The following SYNPR variants were observed in gnomAD, a reference collection of about 807,000 sequenced individuals.
The protein encoded by SYNPR is synaptoporin.
In SYNPR, 23 loss-of-function variants were observed where a neutral mutation model predicts 32.9. The ratio of observed to expected loss-of-function variants is 0.70; its 90% CI spans 0.50 to 0.99. The LOEUF (loss-of-function observed/expected upper bound fraction) is 0.99. Among genes scored for constraint, SYNPR ranks in the 50% least tolerant of loss-of-function variants. The pLI, the probability that SYNPR is intolerant of heterozygous loss-of-function variation, is 0.00. For missense variants in SYNPR, 318 were observed against 349.3 expected, an observed-to-expected ratio of 0.91 and a Z score of 0.71; for synonymous variants, 146 against 135.9, an observed-to-expected ratio of 1.07 and a Z score of -0.52.
At chr3:63,320,410 T>C (rs2087098558) in intron 2 of SYNPR, among the ~76,000 whole-genome samples, 1 of 152,076 alleles carries the variant, frequency 6.6e-6, no homozygotes, top group African/African-American at 2.4e-5. Context: ...TCCTATTCCT[T>C]CTGGTAGATA....
the SYNPR span, among the ~76,000 whole-genome samples, chr3:63,218,713 G>A: frequency 1.3e-5 from 2 of 152,094 alleles, no homozygotes; most frequent in African/African-American, 4.8e-5. Flanking sequence ...TGCCTGAAAG[G>A]TGTTTTTTCA....
intron 4 of SYNPR, among the ~76,000 whole-genome samples, chr3:63,589,072 G>A (rs1010156787): frequency 5.3e-5 from 8 of 152,038 alleles, no homozygotes; most frequent in African/African-American, 1.9e-4. Flanking sequence ...AGGTAGTAAA[G>A]AAGAGTCCAA....
chr3:63,491,730 A>G (rs997533285), intron 3 of SYNPR, among the ~76,000 whole-genome samples: 2 of 151,994 alleles, frequency 1.3e-5, no homozygotes, highest in Non-Finnish European at 2.9e-5. Context: ...CATGTTGGCC[A>G]TGCTGTTCTC....
At chr3:63,236,256 C>T (rs1188818063) in intron 1 of SYNPR, among the ~76,000 whole-genome samples, 1 of 152,004 alleles carries the variant, frequency 6.6e-6, no homozygotes, top group Admixed American at 6.6e-5. Flanking sequence ...CTACCAATAT[C>T]ACACTGTTCA....
At chr3:63,493,691 C>G (rs1701300561) in intron 3 of SYNPR, among the ~76,000 whole-genome samples, 1 of 151,868 alleles carries the variant, frequency 6.6e-6, no homozygotes, top group Non-Finnish European at 1.5e-5. Flanking sequence ...TGGCGCACAC[C>G]TGTAGTCCCA....
chr3:63,232,684 G>A (rs1302077753), intron 1 of SYNPR, among the ~76,000 whole-genome samples: 1 of 152,132 alleles, frequency 6.6e-6, no homozygotes, highest in African/African-American at 2.4e-5. Flanking sequence ...CCTTGAGCTA[G>A]CTACCTCTCA....
At chr3:63,530,938 C>T (rs947339177) in intron 3 of SYNPR, among the ~76,000 whole-genome samples, 7 of 152,078 alleles carry the variant, frequency 4.6e-5, no homozygotes, top group African/African-American at 1.7e-4. Flanking sequence ...GGGGAGTTTT[C>T]ATTTGAGCTG....
intron 2 of SYNPR, among the ~76,000 whole-genome samples, chr3:63,254,307 T>C (rs2086363331): frequency 6.6e-6 from 1 of 152,168 alleles, no homozygotes; most frequent in African/African-American, 2.4e-5. Flanking sequence ...ACCCTAAAAC[T>C]TAAAGTATAA....
chr3:63,301,041 G>C (rs1035550707), intron 2 of SYNPR, among the ~76,000 whole-genome samples: 7 of 152,130 alleles, frequency 4.6e-5, no homozygotes, highest in African/African-American at 1.4e-4. Context: ...ATTTGGAAAA[G>C]AGAACTGGAT....
In SYNPR at chr3:63,298,987, T is replaced by C. The variant is rs565561124; in HGVS notation, c.84+20245T>C. Among the ~76,000 whole-genome samples the C allele has an allele frequency of 3.3e-5, 5 of 152,252 alleles. No individual in the cohort carries two copies. In the South Asian group the frequency reaches 1.0e-3, roughly 32 times the overall value. On this transcript the variant is annotated intron_variant, in intron 2 of 5. Coordinates refer to ENST00000478300, the MANE Select transcript of SYNPR (RefSeq NM_001130003.2). ...TAAGAAAGAGGTAGAGAATAAATCTTTGGGAAGGAACTCCCTCTCTGACAC... is the reference window on the plus strand; with the variant it reads ...TAAGAAAGAGGTAGAGAATAAATCTCTGGGAAGGAACTCCCTCTCTGACAC...
intron 4 of SYNPR, among the ~76,000 whole-genome samples, chr3:63,584,883 G>C (rs1159076937): frequency 2.6e-5 from 4 of 152,070 alleles, no homozygotes; most frequent in Non-Finnish European, 4.4e-5. Flanking sequence ...AGTATGTCCA[G>C]TGACAGCACT....
intron 4 of SYNPR, among the ~76,000 whole-genome samples, chr3:63,580,785 G>A (rs1437187363): frequency 1.3e-5 from 2 of 152,162 alleles, no homozygotes; most frequent in East Asian, 1.9e-4. Context: ...TGGCAAATTA[G>A]TCTCATTATA....
At chr3:63,444,618 C>T (rs2107165490) in intron 2 of SYNPR, among the ~76,000 whole-genome samples, 1 of 152,142 alleles carries the variant, frequency 6.6e-6, no homozygotes, top group African/African-American at 2.4e-5. Flanking sequence ...GGCTCGTAGG[C>T]ATAGATTTTT....
chr3:63,314,033 ATCCATATATATATAT>A (rs1300702563), intron 2 of SYNPR, among the ~76,000 whole-genome samples: 3 of 49,964 alleles, frequency 6.0e-5, no homozygotes, highest in African/African-American at 2.2e-4. Context: ...ATATATATAT[ATCCATATATATATAT>A]ATCCATATAT....
chr3:63,412,921 AAG>A (rs2088486646), intron 2 of SYNPR, among the ~76,000 whole-genome samples: 1 of 152,158 alleles, frequency 6.6e-6, no homozygotes, highest in Admixed American at 6.6e-5. Flanking sequence ...TGGCTTTAAT[AAG>A]AGATCTGAGA....
intron 4 of SYNPR, among the ~76,000 whole-genome samples, chr3:63,575,040 G>T (rs1316277370): frequency 1.3e-5 from 2 of 151,770 alleles, no homozygotes; most frequent in African/African-American, 2.4e-5. Context: ...CCACATAAGG[G>T]CACACACACA....
At chr3:63,570,071 T>C (rs1217059903) in intron 4 of SYNPR, among the ~76,000 whole-genome samples, 1 of 152,288 alleles carries the variant, frequency 6.6e-6, no homozygotes, top group East Asian at 1.9e-4. Context: ...ATTCTGTAAA[T>C]AGTTGATTCA....
chr3:63,407,490 A>T (rs2088376590), intron 2 of SYNPR, among the ~76,000 whole-genome samples: 1 of 152,188 alleles, frequency 6.6e-6, no homozygotes, highest in South Asian at 2.1e-4. Context: ...ATTATTTGTA[A>T]AATGGAGATG....
intron 2 of SYNPR, among the ~76,000 whole-genome samples, chr3:63,345,255 C>T (rs2087422835): frequency 6.6e-6 from 1 of 152,196 alleles, no homozygotes; most frequent in Admixed American, 6.5e-5. Context: ...TGGGAAGGGG[C>T]TAGTATCATC....
Sources: allele counts gnomAD v4.1 joint callset (sites outside exome capture counted in the v4.1 genomes callset), GRCh38; gene constraint gnomAD v4.1.1; transcripts MANE v1.5; gene names NCBI Gene and HGNC (gene_info 2026-07-23, HGNC 2026-07-21).